PDXP: variants seen among roughly 807,000 people sequenced by gnomAD.
PDXP encodes the protein chronophin.
Under a neutral mutation model 14.4 loss-of-function variants are expected in PDXP, and 15 were observed. That is an observed-to-expected ratio of 1.04 (90% CI 0.70 to 1.60). The LOEUF (loss-of-function observed/expected upper bound fraction) is 1.60. Among genes scored for constraint, PDXP ranks in the 40% most tolerant of loss-of-function variants. The pLI is 0.00. For missense variants in PDXP, 413 were observed against 427.6 expected (o/e 0.97, Z 0.30); for synonymous variants, 233 against 205.6 (o/e 1.13, Z -1.14).
rs138837546 is a variant in PDXP, at chr22:37,662,467, T to C, written c.575-3088T>C. Among the ~76,000 whole-genome samples the C allele has an allele frequency of 2.3e-3, 349 of 152,334 alleles. 1 individual carries two copies. The highest frequency in any genetic ancestry group is 0.018 in the East Asian group (92 of 5,182). Reference sequence around the variant, plus strand: ...GGAAAGCCATGATTATACCATGTGCTGGCTTCTGTGGTGTAAATACTCCCA... The same window carrying C: ...GGAAAGCCATGATTATACCATGTGCCGGCTTCTGTGGTGTAAATACTCCCA... On this transcript the variant is annotated intron_variant, in intron 1 of 1. Transcript: ENST00000215904.
At chr22:37,664,478 G>C (rs1368977723) in intron 1 of PDXP, among the ~76,000 whole-genome samples, 2 of 152,194 alleles carry the variant, frequency 1.3e-5, no homozygotes, top group Non-Finnish European at 2.9e-5. Context: ...TCCCAGGTCA[G>C]AGCTGGGTTG....
Position 37,658,905 on chromosome 22 carries a change from G to T in PDXP, c.123G>T (p.Pro41=). 8.2e-7 allele frequency: 1 copy of T among 1,225,762 alleles called. No homozygotes were observed. Among genetic ancestry groups the T allele is most frequent in the East Asian group, 3.3e-5 (1 of 30,152 alleles). The allele number at this position is 1,225,762 out of a possible 1,614,324, so 75.9% of individuals were successfully genotyped here. A position where few individuals can be genotyped will look rare whatever the true frequency, so the allele number is the denominator to read the frequency against. Residue 41 remains proline, a synonymous_variant, in exon 1 of 2, where the codon CCG becomes CCT. Coordinates refer to ENST00000215904, the MANE Select transcript of PDXP (RefSeq NM_020315.5). The part of the protein sequence containing the change: ...WNGERAVPGA[P]ELLERLARAG... ...GCGAGCGCGCCGTGCCGGGCGCCCC[G>T]GAGCTGCTGGAGCGGCTGGCGCGGG... is the stretch of plus-strand genomic sequence containing the variant.
In PDXP at chr22:37,659,375, G is replaced by A; in HGVS notation, c.574+19G>A. On this transcript the variant is annotated intron_variant, in intron 1 of 1. Coordinates refer to ENST00000215904, the MANE Select transcript of PDXP (RefSeq NM_020315.5). ...ACCCCTGGTGAGCGCGGGAATGGCG[G>A]GGAAACTGAGATGGGGGCGACCTGC... 7.7e-7 allele frequency: 1 copy of A among 1,293,324 alleles called. No homozygotes were observed. The allele number at this position is 1,293,324 out of a possible 1,614,324, so 80.1% of individuals were successfully genotyped here.
At position 37,658,781 on chromosome 22, in the gene PDXP, G is replaced by A; in HGVS notation, c.-2G>A. The stretch of plus-strand genomic sequence containing the variant: ...GCGGGAGGCCGGCGGCCGGCCGGCT[G>A]CATGGCGCGCTGCGAGAGGCTGCGC... On this transcript the variant is annotated 5_prime_UTR_variant, in exon 1 of 2. Coordinates refer to ENST00000215904, the MANE Select transcript of PDXP (RefSeq NM_020315.5). 1.7e-6 allele frequency: 2 copies of A among 1,170,530 alleles called. No individual in the cohort carries two copies. Among genetic ancestry groups the A allele is most frequent in the Non-Finnish European group, 2.1e-6 (2 of 948,502 alleles). 72.5% of individuals were successfully genotyped at this position (1,170,530 alleles called of 1,614,324 possible).
intron 1 of PDXP, among the ~76,000 whole-genome samples, chr22:37,661,917 A>ATTTTTTTTTTTT (rs763030330): frequency 8.4e-5 from 6 of 71,216 alleles, no homozygotes; most frequent in Non-Finnish European, 1.5e-4. Flanking sequence ...TTTTTCTTTA[A>ATTTTTTTTTTTT]TTTTTTTTTT....
intron 1 of PDXP, 111 bp downstream of exon 1, chr22:37,659,467 A>G: frequency 3.6e-6 from 3 of 828,108 alleles, no homozygotes; most frequent in Admixed American, 4.2e-5. Context: ...GGTGGGGAAC[A>G]GGAGAGTGCG....
At position 37,658,807 on chromosome 22, in the gene PDXP, G is replaced by C; in HGVS notation, c.25G>C (p.Gly9Arg). The C allele has an allele frequency of 1.7e-6, 2 of 1,180,674 alleles. No individual in the cohort carries two copies. The highest frequency in any genetic ancestry group is 2.1e-6 in the Non-Finnish European group (2 of 954,932). The allele number at this position is 1,180,674 out of a possible 1,614,324, so 73.1% of individuals were successfully genotyped here. MARCERLR[G>R]AALRDVLGRA... is the part of the protein sequence containing the mutation. ...CATGGCGCGCTGCGAGAGGCTGCGCGGAGCGGCCCTGCGCGACGTGCTGGG... is the reference window on the plus strand; with the variant it reads ...CATGGCGCGCTGCGAGAGGCTGCGCCGAGCGGCCCTGCGCGACGTGCTGGG... Residue 9 changes from glycine to arginine, a missense_variant, in exon 1 of 2, where the codon GGA becomes CGA. Coordinates refer to ENST00000215904, the MANE Select transcript of PDXP (RefSeq NM_020315.5).
At chr22:37,660,540 G>C (rs1318587374) in intron 1 of PDXP, among the ~76,000 whole-genome samples, 1 of 152,204 alleles carries the variant, frequency 6.6e-6, no homozygotes, top group African/African-American at 2.4e-5. Context: ...AGCAAAAGGA[G>C]GCTCCTCCAT....
In PDXP at chr22:37,665,617, A is replaced by T; in HGVS notation, c.637A>T (p.Lys213Ter). ...GGGACGCCAGGCCCTGGTGGTGGGC[A>T]AGCCCAGCCCCTACATGTTCGAGTG... ...ASGRQALVVG[K>*]PSPYMFECIT... Residue 213 changes from lysine (K) to a stop codon, truncating the protein, a stop_gained, in exon 2 of 2, where the codon AAG (lysine) becomes TAG (stop). Coordinates refer to ENST00000215904, the MANE Select transcript of PDXP (RefSeq NM_020315.5). LOFTEE classifies it high-confidence loss of function. 1 of 1,613,740 alleles carries T rather than the reference A, an allele frequency of 6.2e-7. No homozygotes were observed. The highest frequency in any genetic ancestry group is 8.5e-7 in the Non-Finnish European group (1 of 1,179,994).
At chr22:37,662,300 G>A (rs5756760) in intron 1 of PDXP, among the ~76,000 whole-genome samples, 6 of 152,058 alleles carry the variant, frequency 3.9e-5, no homozygotes, top group African/African-American at 7.2e-5. Context: ...TGCTCTCCCC[G>A]CCTGTTTTCC....
intron 1 of PDXP, among the ~76,000 whole-genome samples, 159 bp downstream of exon 1, chr22:37,659,515 A>G (rs1214287233): frequency 6.6e-6 from 1 of 152,158 alleles, no homozygotes; most frequent in Non-Finnish European, 1.5e-5. Flanking sequence ...GGGGCGGTTG[A>G]TCCCTGTAGC....
chr22:37,662,987 C>CTAAA (rs536587448), intron 1 of PDXP, among the ~76,000 whole-genome samples: 37 of 150,592 alleles, frequency 2.5e-4, no homozygotes, highest in African/African-American at 6.6e-4. Flanking sequence ...GACTCCATCT[C>CTAAA]TAAATAAATA....
In PDXP at chr22:37,665,752, C is replaced by A. The variant is rs371526050; in HGVS notation, c.772C>A (p.Leu258Ile). 1 of 1,614,122 alleles carries A rather than the reference C, an allele frequency of 6.2e-7. No homozygotes were observed. Among genetic ancestry groups the A allele is most frequent in the South Asian group, 1.1e-5 (1 of 91,090 alleles). The change falls in exon 2 of 2, where the codon CTC (leucine) becomes ATC (isoleucine). Residue 258 changes from leucine to isoleucine, a missense_variant. Physicochemically the swap from Leu to Ile is conservative, Grantham distance 5. Transcript: ENST00000215904. ...HRCGMTTVLT[L>I]TGVSRLEEAQ... Reference sequence around the variant, plus strand: ...CTGCGGCATGACCACTGTGCTCACGCTCACAGGAGTCTCCCGCCTAGAAGA... The same window carrying A: ...CTGCGGCATGACCACTGTGCTCACGATCACAGGAGTCTCCCGCCTAGAAGA...
intron 1 of PDXP, among the ~76,000 whole-genome samples, chr22:37,662,026 C>T (rs1269065484): frequency 2.9e-5 from 4 of 138,958 alleles, no homozygotes; most frequent in Non-Finnish European, 6.0e-5. Context: ...ACTGCAACCT[C>T]TGCCTCCTAG....
In PDXP at chr22:37,659,367, G is replaced by A. The variant is rs368330268; in HGVS notation, c.574+11G>A. 1.0e-4 allele frequency: 130 copies of A among 1,295,638 alleles called. No individual in the cohort carries two copies. The Middle Eastern group carries it at 1.7e-3, about 17-fold the overall frequency. 80.3% of individuals were successfully genotyped at this position (1,295,638 alleles called of 1,614,324 possible). ...GCAGCCGGACCCCTGGTGAGCGCGGGAATGGCGGGGAAACTGAGATGGGGG... is the reference window on the plus strand; with the variant it reads ...GCAGCCGGACCCCTGGTGAGCGCGGAAATGGCGGGGAAACTGAGATGGGGG... On this transcript the variant is annotated intron_variant, in intron 1 of 1. Transcript: ENST00000215904.
At chr22:37,659,928 A>T (rs1427028894) in intron 1 of PDXP, among the ~76,000 whole-genome samples, 1 of 152,208 alleles carries the variant, frequency 6.6e-6, no homozygotes. Context: ...AGAGTCCCCC[A>T]TGTTACAGAG....
At chr22:37,660,646 T>C (rs893862313) in intron 1 of PDXP, among the ~76,000 whole-genome samples, 3 of 152,226 alleles carry the variant, frequency 2.0e-5, no homozygotes, top group African/African-American at 7.2e-5. Flanking sequence ...GTCAGTATAC[T>C]GGGGCCGTGG....
chr22:37,665,632 A>T lies in PDXP; in HGVS notation c.652A>T (p.Met218Leu), dbSNP rs753956304. The change falls in exon 2 of 2, where the codon ATG becomes TTG. Residue 218 changes from methionine to leucine, a missense_variant. Met to Leu is a conservative substitution (Grantham distance 15, BLOSUM62 2). Transcript: ENST00000215904. ...ALVVGKPSPY[M>L]FECITENFSI... ...GGTGGTGGGCAAGCCCAGCCCCTAC[A>T]TGTTCGAGTGCATCACGGAGAACTT... The T allele has an allele frequency of 6.2e-7, 1 of 1,613,886 alleles. No individual in the cohort carries two copies. Among genetic ancestry groups the T allele is most frequent in the Non-Finnish European group, 8.5e-7 (1 of 1,179,986 alleles).
rs1458002899 is a variant in PDXP at position 37,666,193 on chromosome 22, G to A, written c.*322G>A. On this transcript the variant is annotated 3_prime_UTR_variant, in exon 2 of 2. Coordinates refer to ENST00000215904, the MANE Select transcript of PDXP (RefSeq NM_020315.5). ...TGCTGAAGATTCCCTCTATCCCTGA[G>A]TACTTAGTCTTCTCCCCCTTCCCTG... The A allele has an allele frequency of 4.7e-6, 2 of 422,558 alleles. No individual in the cohort carries two copies. The highest frequency in any genetic ancestry group is 9.0e-6 in the Non-Finnish European group (2 of 222,686). The allele number at this position is 422,558 out of a possible 1,614,324, so 26.2% of individuals were successfully genotyped here. A position where few individuals can be genotyped will look rare whatever the true frequency, so the allele number is the denominator to read the frequency against.
Sources: allele counts gnomAD v4.1 joint callset (sites outside exome capture counted in the v4.1 genomes callset), GRCh38; gene constraint gnomAD v4.1.1; transcripts MANE v1.5; gene names NCBI Gene and HGNC (gene_info 2026-07-23, HGNC 2026-07-21).